The following ACAP2 variants were observed in gnomAD, a reference collection of about 807,000 sequenced individuals.
ACAP2 encodes arf-GAP with coiled-coil, ANK repeat and PH domain-containing protein 2.
A neutral mutation model predicts 115.8 loss-of-function variants in ACAP2; 39 were observed. That is an observed-to-expected ratio of 0.34 (90% confidence interval 0.26 to 0.44). The LOEUF is 0.44. Among genes scored for constraint, ACAP2 ranks in the 20% least tolerant of loss-of-function variants. The pLI is 1.00. For missense variants in ACAP2, 662 were observed against 927.6 expected, an observed-to-expected ratio of 0.71 and a Z score of 3.72; for synonymous variants, 289 against 315.8, an observed-to-expected ratio of 0.92 and a Z score of 0.90.
At chr3:195,299,964 C>CAA (rs11326403) in intron 15 of ACAP2, among the ~76,000 whole-genome samples, 5 of 150,688 alleles carry the variant, frequency 3.3e-5, no homozygotes, top group African/African-American at 1.2e-4. Context: ...GAGTGAATTT[C>CAA]AAAAAAAATT....
In ACAP2 at chr3:195,306,448, G is replaced by A. The variant is rs142075157; in HGVS notation, c.1116+63C>T. ...ACGATGCTACATACAGTCATATAAC[G>A]TTGCAACTAAAATCAAGAATTTTGG... On this transcript the variant is annotated intron_variant, in intron 13 of 22. Coordinates refer to ENST00000326793, the MANE Select transcript of ACAP2 (RefSeq NM_012287.6). The A allele has an allele frequency of 9.9e-5, 98 of 989,954 alleles. No individual in the cohort carries two copies. The African/African-American group carries it at 1.5e-3, about 15-fold the overall frequency. 61.3% of individuals were successfully genotyped at this position (989,954 alleles called of 1,614,324 possible).
At chr3:195,378,525 C>A (rs201355153) in intron 4 of ACAP2, among the ~76,000 whole-genome samples, 28 of 142,606 alleles carry the variant, frequency 2.0e-4, no homozygotes, top group East Asian at 5.1e-4. Context: ...CAAAAAAAAA[C>A]AAAAAAAATC....
chr3:195,296,412 G>C (rs551764048), intron 16 of ACAP2, among the ~76,000 whole-genome samples: 1 of 152,154 alleles, frequency 6.6e-6, no homozygotes, highest in South Asian at 2.1e-4. Flanking sequence ...TGCCATATCT[G>C]TTCTATACTT....
chr3:195,290,857 A>T (rs113920503), intron 20 of ACAP2, among the ~76,000 whole-genome samples: 5 of 147,762 alleles, frequency 3.4e-5, no homozygotes, highest in African/African-American at 1.2e-4. Flanking sequence ...AATAATAAAT[A>T]AATAAATAAA....
chr3:195,366,133 C>A (rs1228471170), intron 4 of ACAP2, among the ~76,000 whole-genome samples: 1 of 152,212 alleles, frequency 6.6e-6, no homozygotes, highest in Non-Finnish European at 1.5e-5. Context: ...GCGTGAGCTA[C>A]CATGTCTGGC....
chr3:195,402,248 C>G (rs1712370080), intron 1 of ACAP2, among the ~76,000 whole-genome samples: 1 of 152,114 alleles, frequency 6.6e-6, no homozygotes, highest in Non-Finnish European at 1.5e-5. Context: ...TTATTTGCGG[C>G]CTGGGGTCAC....
chr3:195,345,516 A>G (rs1301282818), intron 4 of ACAP2, among the ~76,000 whole-genome samples, 199 bp from the exon 5 acceptor site: 1 of 152,226 alleles, frequency 6.6e-6, no homozygotes, highest in Non-Finnish European at 1.5e-5. Context: ...CAGAAATAAA[A>G]TTACTTCTAT....
intron 4 of ACAP2, among the ~76,000 whole-genome samples, chr3:195,360,867 G>C (rs1375894622): frequency 6.7e-6 from 1 of 149,820 alleles, no homozygotes; most frequent in Non-Finnish European, 1.5e-5. Flanking sequence ...CAGGCCTAAT[G>C]AATATTTAAG....
intron 18 of ACAP2, among the ~76,000 whole-genome samples, chr3:195,293,359 G>A (rs1202896004): frequency 6.6e-6 from 1 of 152,198 alleles, no homozygotes; most frequent in African/African-American, 2.4e-5. Flanking sequence ...TGAAATCATG[G>A]AGGAGGGGAC....
chr3:195,351,465 TGTGTGTGTGTGTG>T (rs2108672456), intron 4 of ACAP2, among the ~76,000 whole-genome samples: 1 of 148,184 alleles, frequency 6.7e-6, no homozygotes, highest in South Asian at 2.1e-4. Flanking sequence ...TGTGTGTGTG[TGTGTGTGTGTGTG>T]TGTGTGTGAC....
At chr3:195,290,223 G>A (rs901655444) in intron 20 of ACAP2, among the ~76,000 whole-genome samples, 8 of 151,868 alleles carry the variant, frequency 5.3e-5, no homozygotes, top group Non-Finnish European at 1.0e-4. Context: ...TTAAAAATTA[G>A]CCGGGAGTGG....
At chr3:195,434,929 T>C (rs138899015) in intron 1 of ACAP2, among the ~76,000 whole-genome samples, 6 of 150,606 alleles carry the variant, frequency 4.0e-5, no homozygotes, top group Admixed American at 6.6e-5. Context: ...ATGTGCCCTC[T>C]TTCACTCTTG....
intron 4 of ACAP2, among the ~76,000 whole-genome samples, chr3:195,359,251 T>C (rs1329754955): frequency 6.6e-6 from 1 of 152,206 alleles, no homozygotes; most frequent in African/African-American, 2.4e-5. Flanking sequence ...GGTGCAAGGC[T>C]CACTGGTGAC....
intron 3 of ACAP2, 141 bp from the exon 4 acceptor site, chr3:195,381,203 T>G: frequency 1.5e-6 from 1 of 646,082 alleles, no homozygotes; most frequent in Non-Finnish European, 2.7e-6. Flanking sequence ...AATCTCACAC[T>G]ACCTTATGGG....
intron 4 of ACAP2, among the ~76,000 whole-genome samples, chr3:195,358,213 A>C (rs6803763): frequency 0.28 from 42,762 of 152,040 alleles, 6,820 homozygotes; most frequent in East Asian, 0.71. Flanking sequence ...AAACCTAGAT[A>C]ATAACAACTA....
At chr3:195,433,902 GGGTT>G (rs2108864764) in intron 1 of ACAP2, among the ~76,000 whole-genome samples, 1 of 152,164 alleles carries the variant, frequency 6.6e-6, no homozygotes, top group East Asian at 1.9e-4. Context: ...CTGGTCTGTA[GGGTT>G]TGTTTGCTTT....
intron 4 of ACAP2, chr3:195,356,278 G>A (rs767082656): frequency 2.5e-5 from 11 of 444,140 alleles, no homozygotes; most frequent in Non-Finnish European, 4.1e-5. Context: ...AATGAATGGA[G>A]CATTTAGACC....
chr3:195,315,047 T>C (rs548046809), intron 10 of ACAP2, among the ~76,000 whole-genome samples: 64 of 152,342 alleles, frequency 4.2e-4, no homozygotes, highest in African/African-American at 1.5e-3. Flanking sequence ...AGACAGGGTC[T>C]CCGTCACCCA....
At chr3:195,329,055 G>A (rs1170807801) in intron 8 of ACAP2, among the ~76,000 whole-genome samples, 1 of 150,384 alleles carries the variant, frequency 6.6e-6, no homozygotes, top group East Asian at 2.0e-4. Flanking sequence ...ACTCCAGCCT[G>A]GGCAACAGAG....
Sources: gnomAD v4.1 joint callset for allele counts (sites outside exome capture counted in the v4.1 genomes callset) on GRCh38, gnomAD v4.1.1 for gene constraint, MANE v1.5 for transcripts, NCBI Gene and HGNC (gene_info 2026-07-23, HGNC 2026-07-21) for gene names.